The following SNAPC3 variants were observed in gnomAD, a reference collection of about 807,000 sequenced individuals.
The protein encoded by SNAPC3 is small nuclear RNA activating complex polypeptide 3.
In SNAPC3, 56 loss-of-function variants were observed where a neutral mutation model predicts 47.7. The ratio of observed to expected loss-of-function variants is 1.18; its 90% CI spans 0.95 to 1.47. The LOEUF is 1.47. Ranked by LOEUF, SNAPC3 falls within the 40% of genes most tolerant of loss-of-function variation. SNAPC3 has a pLI of 0.00. For synonymous variants in SNAPC3, 235 were observed against 189.9 expected, an observed-to-expected ratio of 1.24 and a Z score of -1.95; for missense variants, 665 against 511.3, an observed-to-expected ratio of 1.30 and a Z score of -2.90.
intron 2 of SNAPC3, among the ~76,000 whole-genome samples, chr9:15,427,101 T>G (rs1001072804): frequency 2.6e-5 from 4 of 152,226 alleles, no homozygotes; most frequent in African/African-American, 9.6e-5. Flanking sequence ...CTTTCCCACA[T>G]CAAATGAAAG....
At chr9:15,449,346 T>A (rs2034186610) in intron 5 of SNAPC3, among the ~76,000 whole-genome samples, 1 of 151,890 alleles carries the variant, frequency 6.6e-6, no homozygotes, top group Admixed American at 6.6e-5. Context: ...TTTAATCAAG[T>A]CCAGTCTGGG....
At chr9:15,454,812 T>C (rs890038268) in intron 7 of SNAPC3, among the ~76,000 whole-genome samples, 1 of 152,158 alleles carries the variant, frequency 6.6e-6, no homozygotes, top group East Asian at 1.9e-4. Context: ...TGGGCACCTG[T>C]AGTCCTAGCT....
At chr9:15,423,547 A>G (rs970344166) in intron 1 of SNAPC3, among the ~76,000 whole-genome samples, 6 of 152,174 alleles carry the variant, frequency 3.9e-5, no homozygotes, top group Non-Finnish European at 5.9e-5. Flanking sequence ...AACCTGAGTA[A>G]TGGTGAAGCT....
intron 2 of SNAPC3, among the ~76,000 whole-genome samples, chr9:15,428,003 C>T (rs530058755): frequency 6.7e-5 from 10 of 149,540 alleles, no homozygotes; most frequent in South Asian, 2.1e-4. Context: ...CCCAGCTACT[C>T]GGGAGGCTGA....
chr9:15,463,401 CTT>C (rs2035372213), downstream of SNAPC3: 1 of 146,570 alleles, frequency 6.8e-6, no homozygotes, highest in Admixed American at 7.1e-5. Flanking sequence ...ATGTATGACT[CTT>C]TTATCCAGTA....
intron 3 of SNAPC3, among the ~76,000 whole-genome samples, chr9:15,435,013 C>T (rs940488216): frequency 6.6e-6 from 1 of 152,018 alleles, no homozygotes; most frequent in African/African-American, 2.4e-5. Flanking sequence ...GCAATGATAC[C>T]GTATTACATT....
At chr9:15,436,370 G>T (rs2032803584) in intron 3 of SNAPC3, among the ~76,000 whole-genome samples, 1 of 152,138 alleles carries the variant, frequency 6.6e-6, no homozygotes, top group Non-Finnish European at 1.5e-5. Context: ...TATGATGTAA[G>T]GTAAGGGTTT....
At chr9:15,463,501 GGT>G (rs1318823812), downstream of SNAPC3, 4 of 123,480 alleles carry the variant, frequency 3.2e-5, no homozygotes, top group African/African-American at 1.1e-4. Flanking sequence ...GGAGGGGTGG[GGT>G]GGGGTGGGGT....
chr9:15,444,415 G>C (rs1392527161), intron 3 of SNAPC3, among the ~76,000 whole-genome samples, 187 bp from the exon 4 acceptor site: 1 of 152,202 alleles, frequency 6.6e-6, no homozygotes, highest in African/African-American at 2.4e-5. Flanking sequence ...AGTATTTTCT[G>C]GTTCTGTTTG....
At chr9:15,425,450 T>A (rs1193303241) in intron 2 of SNAPC3, among the ~76,000 whole-genome samples, 1 of 152,172 alleles carries the variant, frequency 6.6e-6, no homozygotes, top group Non-Finnish European at 1.5e-5. Flanking sequence ...ACTCCTGACC[T>A]CATGTGATCT....
downstream of SNAPC3, chr9:15,465,108 G>C (rs577289243): frequency 8.7e-6 from 2 of 231,192 alleles, no homozygotes; most frequent in East Asian, 6.4e-5. Context: ...TGAAAAGACA[G>C]TCTGGTAAAT....
intron 2 of SNAPC3, 102 bp downstream of exon 2, chr9:15,424,088 A>C: frequency 1.8e-6 from 1 of 557,030 alleles, no homozygotes; most frequent in Admixed American, 3.3e-5. Flanking sequence ...CTGTATACCC[A>C]CCCCTTAAAT....
intron 6 of SNAPC3, among the ~76,000 whole-genome samples, chr9:15,452,653 C>T (rs73417337): frequency 1.3e-3 from 193 of 152,268 alleles, no homozygotes; most frequent in African/African-American, 4.4e-3. Flanking sequence ...TTGAAGACCC[C>T]AATGAGCTAC....
At chr9:15,428,901 T>A (rs571066926) in intron 2 of SNAPC3, among the ~76,000 whole-genome samples, 1 of 151,964 alleles carries the variant, frequency 6.6e-6, no homozygotes, top group Admixed American at 6.5e-5. Flanking sequence ...TCAGAGTCCC[T>A]GAAGAAGAAA....
At chr9:15,450,022 A>G (rs1587359427) in intron 5 of SNAPC3, among the ~76,000 whole-genome samples, 1 of 152,282 alleles carries the variant, frequency 6.6e-6, no homozygotes, top group East Asian at 1.9e-4. Flanking sequence ...ATTAAACTTC[A>G]TTTTGTTTCC....
intron 7 of SNAPC3, among the ~76,000 whole-genome samples, chr9:15,456,985 T>C (rs899156426): frequency 6.6e-6 from 1 of 152,214 alleles, no homozygotes; most frequent in Non-Finnish European, 1.5e-5. Context: ...TAGAACAATT[T>C]TGTGTAGTCC....
At chr9:15,423,345 C>T (rs1238316199) in intron 1 of SNAPC3, 152 bp downstream of exon 1, 4 of 755,060 alleles carry the variant, frequency 5.3e-6, no homozygotes, top group East Asian at 3.3e-5. Flanking sequence ...CCGCTGGAGC[C>T]TTCCTGGGAC....
intron 2 of SNAPC3, among the ~76,000 whole-genome samples, chr9:15,428,739 C>G (rs1245413823): frequency 1.3e-5 from 2 of 151,064 alleles, no homozygotes; most frequent in Admixed American, 1.3e-4. Context: ...TGTAAGATAC[C>G]TAAGGGAAAA....
Position 15,459,925 on chromosome 9 carries a change from C to T in SNAPC3, c.*59C>T. On this transcript the variant is annotated 3_prime_UTR_variant, in exon 9 of 9. Coordinates refer to ENST00000380821, the MANE Select transcript of SNAPC3 (RefSeq NM_001039697.2). ...AAATAACTGTTCTCTTGGATGGTTACCTTATTTCTAAGAAACGCCACTGAG... is the reference window on the plus strand; with the variant it reads ...AAATAACTGTTCTCTTGGATGGTTATCTTATTTCTAAGAAACGCCACTGAG... 3 of 1,482,062 alleles carry T rather than the reference C, an allele frequency of 2.0e-6. No individual in the cohort carries two copies. The highest frequency in any genetic ancestry group is 1.3e-5 in the South Asian group (1 of 78,042). The allele number at this position is 1,482,062 out of a possible 1,614,324, so 91.8% of individuals were successfully genotyped here.
Sources: gnomAD v4.1 joint callset for allele counts (sites outside exome capture counted in the v4.1 genomes callset) on GRCh38, gnomAD v4.1.1 for gene constraint, MANE v1.5 for transcripts, NCBI Gene and HGNC (gene_info 2026-07-23, HGNC 2026-07-21) for gene names.